Variants in RB1CC1 observed in about 807,000 individuals in gnomAD.
RB1CC1 encodes the protein RB1-inducible coiled-coil protein 1.
In RB1CC1, 46 loss-of-function variants were observed where a neutral mutation model predicts 177.5. The observed-to-expected ratio is 0.26, with a 90% confidence interval of 0.20 to 0.33. The LOEUF (loss-of-function observed/expected upper bound fraction) is 0.33. Among genes scored for constraint, RB1CC1 ranks in the 10% least tolerant of loss-of-function variants. The pLI is 1.00. For synonymous variants in RB1CC1, 666 were observed against 613.6 expected, an observed-to-expected ratio of 1.09 and a Z score of -1.26; for missense variants, 1,703 against 1,816.3, an observed-to-expected ratio of 0.94 and a Z score of 1.13.
In RB1CC1 at chr8:52,661,188, T is replaced by G; in HGVS notation, c.1452A>C (p.Lys484Asn). 9 of 1,613,968 alleles carry G rather than the reference T, an allele frequency of 5.6e-6. No homozygotes were observed. Among genetic ancestry groups the G allele is most frequent in the Non-Finnish European group, 6.8e-6 (8 of 1,179,906 alleles). Reference sequence around the variant, plus strand: ...GAACTGTACTAAGAGCTTCAACAATTTTGACTCTTTCTAACAGCTCTATTA... The same window carrying G: ...GAACTGTACTAAGAGCTTCAACAATGTTGACTCTTTCTAACAGCTCTATTA... ...RLVIELLERV[K>N]IVEALSTVPQ... Residue 484 changes from lysine to asparagine, a missense_variant, in exon 10 of 24, where the codon AAA becomes AAC. Physicochemically the swap from Lys to Asn is moderately conservative, Grantham distance 94. Around this residue, in one of 6 missense-constraint regions of RB1CC1, gnomAD observed 1,169 missense variants for 1,184.7 expected, o/e 0.99. Transcript: ENST00000025008.
intron 1 of RB1CC1, among the ~76,000 whole-genome samples, chr8:52,705,124 T>C (rs1468548635): frequency 6.6e-6 from 1 of 152,184 alleles, no homozygotes; most frequent in African/African-American, 2.4e-5. Context: ...TGTCAAAACA[T>C]GTCAAACATA....
At chr8:52,665,137 ATT>A (rs1236959398) in intron 8 of RB1CC1, among the ~76,000 whole-genome samples, 2 of 152,196 alleles carry the variant, frequency 1.3e-5, no homozygotes, top group African/African-American at 2.4e-5. Context: ...ATACGAATGA[ATT>A]TGACTGCATC....
intron 1 of RB1CC1, among the ~76,000 whole-genome samples, chr8:52,689,423 G>A (rs756027166): frequency 1.6e-4 from 25 of 152,144 alleles, no homozygotes; most frequent in South Asian, 1.5e-3. Flanking sequence ...TCACTAGTCC[G>A]TCAACCTCCA....
At chr8:52,630,305 A>G (rs971407221) in intron 21 of RB1CC1, among the ~76,000 whole-genome samples, 165 bp downstream of exon 21, 1 of 152,164 alleles carries the variant, frequency 6.6e-6, no homozygotes, top group African/African-American at 2.4e-5. Flanking sequence ...CAGAATAACA[A>G]TTTAGAAAAA....
chr8:52,643,081 T>A (rs1035297670), intron 16 of RB1CC1: 6 of 258,160 alleles, frequency 2.3e-5, no homozygotes, highest in Non-Finnish European at 4.2e-5. Context: ...TTTTGAAGAA[T>A]TAGAAGCATC....
At chr8:52,701,720 CT>C (rs1856078531) in intron 1 of RB1CC1, among the ~76,000 whole-genome samples, 1 of 151,698 alleles carries the variant, frequency 6.6e-6, no homozygotes, top group Non-Finnish European at 1.5e-5. Context: ...TCACTTAAAT[CT>C]CTTGATAAAG....
intron 19 of RB1CC1, 90 bp downstream of exon 19, chr8:52,635,925 A>G (rs922469866): frequency 3.4e-6 from 5 of 1,452,384 alleles, no homozygotes; most frequent in Non-Finnish European, 4.7e-6. Flanking sequence ...ATAAACACAA[A>G]TAGTCTATTG....
At chr8:52,693,597 A>G (rs1261751681) in intron 1 of RB1CC1, among the ~76,000 whole-genome samples, 1 of 152,218 alleles carries the variant, frequency 6.6e-6, no homozygotes. Context: ...GTGGAGAAAA[A>G]GGAATGCTTT....
At chr8:52,638,557 CTTTTA>C (rs898054148) in intron 18 of RB1CC1, among the ~76,000 whole-genome samples, 16 of 152,010 alleles carry the variant, frequency 1.1e-4, no homozygotes, top group African/African-American at 2.9e-4. Context: ...TGGTTTTTAT[CTTTTA>C]TTTATTAAAA....
At chr8:52,659,107 C>A (rs568219163) in intron 12 of RB1CC1, 131 bp from the exon 13 acceptor site, 5 of 464,332 alleles carry the variant, frequency 1.1e-5, no homozygotes, top group African/African-American at 8.1e-5. Flanking sequence ...GATTAAGAAA[C>A]AAAAAAAGAC....
chr8:52,626,893 A>G (rs1452694269), intron 22 of RB1CC1, among the ~76,000 whole-genome samples: 1 of 152,156 alleles, frequency 6.6e-6, no homozygotes. Flanking sequence ...ACAAAACAAA[A>G]CAAAAAATGG....
At chr8:52,699,110 T>C (rs1387191496) in intron 1 of RB1CC1, among the ~76,000 whole-genome samples, 1 of 152,162 alleles carries the variant, frequency 6.6e-6, no homozygotes, top group African/African-American at 2.4e-5. Context: ...TTGGTAATAC[T>C]CCAGTAAAAC....
intron 7 of RB1CC1, among the ~76,000 whole-genome samples, chr8:52,668,422 T>C (rs1185844354): frequency 6.6e-6 from 1 of 152,182 alleles, no homozygotes; most frequent in Non-Finnish European, 1.5e-5. Flanking sequence ...TTTTCAAGAA[T>C]CACACATTTC....
At chr8:52,655,405 C>T (rs184985230) in intron 15 of RB1CC1, among the ~76,000 whole-genome samples, 2 of 152,076 alleles carry the variant, frequency 1.3e-5, no homozygotes, top group Admixed American at 6.6e-5. Flanking sequence ...TACTAAAAAC[C>T]ATCTTCTGTG....
chr8:52,700,747 T>C (rs1397512595), intron 1 of RB1CC1, among the ~76,000 whole-genome samples: 2 of 152,086 alleles, frequency 1.3e-5, no homozygotes, highest in Non-Finnish European at 1.5e-5. Flanking sequence ...ATAGAAACAA[T>C]TGCCAATAAT....
At chr8:52,662,217 A>T (rs1231646018) in intron 8 of RB1CC1, among the ~76,000 whole-genome samples, 6 of 152,084 alleles carry the variant, frequency 3.9e-5, no homozygotes, top group Non-Finnish European at 8.8e-5. Flanking sequence ...ATTTTGTTCC[A>T]CTGATCTGTG....
At chr8:52,667,829 T>C (rs904035146) in intron 8 of RB1CC1, among the ~76,000 whole-genome samples, 192 bp downstream of exon 8, 3 of 152,350 alleles carry the variant, frequency 2.0e-5, no homozygotes, top group Non-Finnish European at 2.9e-5. Context: ...AGCAGTTTCA[T>C]GGTTTATCTA....
intron 8 of RB1CC1, among the ~76,000 whole-genome samples, chr8:52,664,093 C>T (rs1372574808): frequency 6.6e-6 from 1 of 152,190 alleles, no homozygotes; most frequent in East Asian, 1.9e-4. Context: ...TGACTCTGTA[C>T]ATCCCTTGGC....
intron 22 of RB1CC1, among the ~76,000 whole-genome samples, chr8:52,627,434 A>C (rs1342040269): frequency 6.6e-6 from 1 of 152,212 alleles, no homozygotes; most frequent in African/African-American, 2.4e-5. Flanking sequence ...ATCAATCTAA[A>C]TGGACTTACT....
Sources: gnomAD v4.1 joint callset for allele counts (sites outside exome capture counted in the v4.1 genomes callset) on GRCh38, gnomAD v4.1.1 for gene constraint, gnomAD v4.1.1 regional missense constraint, MANE v1.5 for transcripts, NCBI Gene and HGNC (gene_info 2026-07-23, HGNC 2026-07-21) for gene names.